Variants in GOLGA6L9 observed in about 807,000 individuals in gnomAD.
The protein encoded by GOLGA6L9 is golgin A6 family like 9.
In GOLGA6L9, 19 loss-of-function variants were observed where a neutral mutation model predicts 51.3. The ratio of observed to expected loss-of-function variants is 0.37; its 90% CI spans 0.26 to 0.54. The LOEUF is 0.54. Ranked by LOEUF, GOLGA6L9 falls within the 20% of genes least tolerant of loss-of-function variation. GOLGA6L9 has a pLI of 0.83. For missense variants in GOLGA6L9, 247 were observed against 464.1 expected (o/e 0.53, Z 4.30); for synonymous variants, 97 against 184.2 (o/e 0.53, Z 3.83).
At position 82,438,390 on chromosome 15, in the gene GOLGA6L9, A is replaced by G. The variant is rs1031126507; in HGVS notation, c.*1979A>G. ...CCACTCTCTGTGTAGGTATTTTGTC[A>G]TATGTTTAAGAAAAAGCTAAAGAGA... is the stretch of plus-strand genomic sequence containing the variant. On this transcript the variant is annotated 3_prime_UTR_variant, in exon 9 of 9. Transcript: ENST00000618348. The G allele has an allele frequency of 6.6e-6, 1 of 151,522 alleles. No individual in the cohort carries two copies. Among genetic ancestry groups the G allele is most frequent in the Non-Finnish European group, 1.5e-5 (1 of 67,818 alleles). The allele number at this position is 151,522 out of a possible 1,614,324, so 9.4% of individuals were successfully genotyped here.
chr15:82,427,334 TTCTC>T (rs1165125788), upstream of GOLGA6L9, among the ~76,000 whole-genome samples: 9 of 147,292 alleles, frequency 6.1e-5, no homozygotes, highest in Admixed American at 1.3e-4. Context: ...TTCTTTTTCT[TTCTC>T]TCTTTTTCTT....
chr15:82,433,465 A>C, intron 4 of GOLGA6L9, 97 bp from the exon 5 acceptor site: 1 of 629,538 alleles, frequency 1.6e-6, no homozygotes, highest in Non-Finnish European at 2.8e-6. Flanking sequence ...TCTAAATCAC[A>C]AACTGGCAGA....
the GOLGA6L9 span, among the ~76,000 whole-genome samples, chr15:82,422,370 TG>T: frequency 1.7e-4 from 8 of 46,816 alleles, no homozygotes; most frequent in African/African-American, 1.1e-3. Context: ...TATAAGGATA[TG>T]AGAAGATTGA....
At chr15:82,432,545 C>G in intron 2 of GOLGA6L9, 27 bp from the exon 3 acceptor site, 4 of 1,599,904 alleles carry the variant, frequency 2.5e-6, no homozygotes, top group African/African-American at 1.3e-5. Flanking sequence ...GACAGAACAT[C>G]TCCATGTGCA....
At chr15:82,432,661 C>T (rs1164709192) in intron 3 of GOLGA6L9, 30 bp downstream of exon 3, 70 of 1,598,260 alleles carry the variant, frequency 4.4e-5, no homozygotes, top group Non-Finnish European at 5.5e-5. Context: ...GGTGCAGTGA[C>T]CCTGCAGGCC....
chr15:82,438,000 C>T lies in GOLGA6L9; in HGVS notation c.*1589C>T, dbSNP rs1240164746. ...AGGTCCTGTTCTTGCCTTGTCTGAA[C>T]TTGCCGCTTTTGCATTCTTTGAGTT... is the stretch of plus-strand genomic sequence containing the variant. On this transcript the variant is annotated 3_prime_UTR_variant, in exon 9 of 9. Coordinates refer to ENST00000618348, the MANE Select transcript of GOLGA6L9 (RefSeq NM_198181.4). 1 of 150,990 alleles carries T rather than the reference C, an allele frequency of 6.6e-6. No homozygotes were observed. The highest frequency in any genetic ancestry group is 1.5e-5 in the Non-Finnish European group (1 of 67,772). 9.4% of individuals were successfully genotyped at this position (150,990 alleles called of 1,614,324 possible).
intron 2 of GOLGA6L9, 51 bp from the exon 3 acceptor site, chr15:82,432,521 A>C (rs1555444946): frequency 1.9e-6 from 3 of 1,590,198 alleles, no homozygotes; most frequent in South Asian, 2.2e-5. Flanking sequence ...CAGAGGGCTT[A>C]GACAGTGAGG....
chr15:82,431,824 C>A lies in GOLGA6L9; in HGVS notation c.85-6C>A. ...TCATGAGTGTTACTGCTCTTCTTTC[C>A]CACAGTTAAAAGCATATTGGCAGAG... On this transcript the variant is annotated splice_polypyrimidine_tract_variant and splice_region_variant and intron_variant, in intron 1 of 8. Coordinates refer to ENST00000618348, the MANE Select transcript of GOLGA6L9 (RefSeq NM_198181.4). 1 of 1,478,882 alleles carries A rather than the reference C, an allele frequency of 6.8e-7. No individual in the cohort carries two copies. The highest frequency in any genetic ancestry group is 8.9e-7 in the Non-Finnish European group (1 of 1,117,738). 91.6% of individuals were successfully genotyped at this position (1,478,882 alleles called of 1,614,324 possible).
chr15:82,419,813 G>GT, the GOLGA6L9 span, among the ~76,000 whole-genome samples: 31 of 152,122 alleles, frequency 2.0e-4, no homozygotes, highest in South Asian at 4.1e-4. Context: ...TTGGTTTGTT[G>GT]TTTTTTTGTG....
At chr15:82,429,774 T>G (rs2031339230), upstream of GOLGA6L9, among the ~76,000 whole-genome samples, 1 of 152,300 alleles carries the variant, frequency 6.6e-6, no homozygotes, top group African/African-American at 2.4e-5. Flanking sequence ...TTTAAAGCTT[T>G]TAAAGCAAAA....
rs1462874276 is a variant in GOLGA6L9, at chr15:82,438,540, G to T, written c.*2129G>T. ...TCTCTACCTCATTCAGTATAAGGCA[G>T]CCTTTAATTTGCTTAGAAGGCAACA... On this transcript the variant is annotated 3_prime_UTR_variant, in exon 9 of 9. Transcript: ENST00000618348. 6.7e-6 allele frequency: 1 copy of T among 148,924 alleles called. No homozygotes were observed. The highest frequency in any genetic ancestry group is 1.5e-5 in the Non-Finnish European group (1 of 66,986). The allele number at this position is 148,924 out of a possible 1,614,324, so 9.2% of individuals were successfully genotyped here. A position where few individuals can be genotyped will look rare whatever the true frequency, so the allele number is the denominator to read the frequency against.
At chr15:82,429,667 C>G (rs1428984544), upstream of GOLGA6L9, among the ~76,000 whole-genome samples, 2 of 152,156 alleles carry the variant, frequency 1.3e-5, no homozygotes, top group South Asian at 2.1e-4. Flanking sequence ...ATAGAAGCTG[C>G]ATAATGAAGA....
chr15:82,429,513 G>A (rs1288840930), upstream of GOLGA6L9, among the ~76,000 whole-genome samples: 30 of 152,098 alleles, frequency 2.0e-4, 1 homozygote, highest in Admixed American at 3.9e-4. Context: ...TTGGAATGTC[G>A]GATACTATAG....
Position 82,432,493 on chromosome 15 carries a change from T to A in GOLGA6L9, c.205-79T>A, listed in dbSNP as rs1379553527. Reference sequence around the variant, plus strand: ...CAGAAAAGAAGCTTTTGCCAGTTGATGGGGGAAGAAAGGAAGTCAGAGGGC... The same window carrying A: ...CAGAAAAGAAGCTTTTGCCAGTTGAAGGGGGAAGAAAGGAAGTCAGAGGGC... On this transcript the variant is annotated intron_variant, in intron 2 of 8. Coordinates refer to ENST00000618348, the MANE Select transcript of GOLGA6L9 (RefSeq NM_198181.4). The A allele has an allele frequency of 2.6e-6, 4 of 1,559,402 alleles. No homozygotes were observed. The East Asian group carries it at 9.3e-5, about 36-fold the overall frequency.
In GOLGA6L9 at chr15:82,430,095, C is replaced by T. The variant is rs1217381652; in HGVS notation, c.16C>T (p.Arg6Cys). ...TATTTCGCTGATGTGGCCCCAACCC[C>T]GCCTCCCTCCCCACCCCGCGATGTC... MWPQPRLPPHPAMSEK... is the reference protein window; with the variant it reads MWPQPCLPPHPAMSEK... Residue 6 changes from arginine to cysteine, a missense_variant, in exon 1 of 9, where the codon CGC becomes TGC. Arg to Cys is a radical substitution (Grantham distance 180). Around this residue, in one of 9 missense-constraint regions of GOLGA6L9, gnomAD observed 14 missense variants for 18.1 expected, o/e 0.77. Coordinates refer to ENST00000618348, the MANE Select transcript of GOLGA6L9 (RefSeq NM_198181.4). 36 of 759,438 alleles carry T rather than the reference C, an allele frequency of 4.7e-5. No homozygotes were observed. Among genetic ancestry groups the T allele is most frequent in the Middle Eastern group, 3.6e-4 (1 of 2,782 alleles). The allele number at this position is 759,438 out of a possible 1,614,324, so 47.0% of individuals were successfully genotyped here.
the GOLGA6L9 span, among the ~76,000 whole-genome samples, chr15:82,418,145 A>G: frequency 6.6e-6 from 1 of 152,226 alleles, no homozygotes; most frequent in African/African-American, 2.4e-5. Flanking sequence ...TTATTATTGA[A>G]TAATGTCATG....
chr15:82,430,229 C>T lies in GOLGA6L9; in HGVS notation c.84+66C>T, dbSNP rs1692926660. 1.5e-4 allele frequency: 75 copies of T among 494,806 alleles called. 1 individual carries two copies. In the East Asian group the frequency reaches 2.5e-3, roughly 17 times the overall value. The allele number at this position is 494,806 out of a possible 1,614,324, so 30.7% of individuals were successfully genotyped here. On this transcript the variant is annotated intron_variant, in intron 1 of 8. Transcript: ENST00000618348. Reference sequence around the variant, plus strand: ...TCCCCTCCGATGACAAGACCGGTGCCAGAGTCCATACCACTCCTGAGGCAT... The same window carrying T: ...TCCCCTCCGATGACAAGACCGGTGCTAGAGTCCATACCACTCCTGAGGCAT...
At chr15:82,417,184 T>G in the GOLGA6L9 span, among the ~76,000 whole-genome samples, 1 of 152,272 alleles carries the variant, frequency 6.6e-6, no homozygotes, top group Non-Finnish European at 1.5e-5. Flanking sequence ...GGATAGTGTT[T>G]GCTGTACAGC....
upstream of GOLGA6L9, among the ~76,000 whole-genome samples, chr15:82,428,913 T>TA (rs2031288392): frequency 6.7e-6 from 1 of 148,778 alleles, no homozygotes; most frequent in South Asian, 2.2e-4. Context: ...TTGCAAGTCA[T>TA]AGCCAGGTAT....
Sources: allele counts gnomAD v4.1 joint callset (sites outside exome capture counted in the v4.1 genomes callset), GRCh38; gene constraint gnomAD v4.1.1; regional missense constraint gnomAD v4.1.1; transcripts MANE v1.5; gene names NCBI Gene and HGNC (gene_info 2026-07-23, HGNC 2026-07-21).